ERBB4: variants seen among roughly 807,000 people sequenced by gnomAD.
ERBB4 encodes erb-b2 receptor tyrosine kinase 4, also known as receptor tyrosine-protein kinase erbB-4.
Under a neutral mutation model 158.0 loss-of-function variants are expected in ERBB4, and 42 were observed. The ratio of observed to expected loss-of-function variants is 0.27; its 90% CI spans 0.21 to 0.34. The LOEUF is 0.34. Among genes scored for constraint, ERBB4 ranks in the 10% least tolerant of loss-of-function variants. ERBB4 has a pLI of 1.00. For missense variants in ERBB4, 1,333 were observed against 1,624.1 expected, an observed-to-expected ratio of 0.82 and a Z score of 3.08; for synonymous variants, 583 against 558.7, an observed-to-expected ratio of 1.04 and a Z score of -0.61.
At chr2:211,489,247 A>G (rs2065279199) in intron 20 of ERBB4, among the ~76,000 whole-genome samples, 1 of 152,026 alleles carries the variant, frequency 6.6e-6, no homozygotes, top group Admixed American at 6.6e-5. Flanking sequence ...GATAATAAAA[A>G]TGTTTTCTAA....
chr2:211,687,402 A>G (rs2072606952), intron 12 of ERBB4, among the ~76,000 whole-genome samples: 1 of 152,128 alleles, frequency 6.6e-6, no homozygotes, highest in Non-Finnish European at 1.5e-5. Context: ...TGTGAACTCC[A>G]TACCCTGCCT....
intron 20 of ERBB4, among the ~76,000 whole-genome samples, chr2:211,490,313 T>C (rs67141123): frequency 0.33 from 49,829 of 151,632 alleles, 8,695 homozygotes; most frequent in African/African-American, 0.44. Flanking sequence ...TATTTCTTTC[T>C]TTATAGCATT....
intron 4 of ERBB4, among the ~76,000 whole-genome samples, chr2:211,760,943 C>T (rs567293751): frequency 2.0e-5 from 3 of 152,166 alleles, no homozygotes; most frequent in South Asian, 2.1e-4. Context: ...TGGTGTCTCA[C>T]GCCTATAAGC....
intron 20 of ERBB4, among the ~76,000 whole-genome samples, chr2:211,560,224 C>G (rs10932385): frequency 0.16 from 22,753 of 140,642 alleles, 1,930 homozygotes; most frequent in Middle Eastern, 0.28. Context: ...AGAGACACAG[C>G]AGAAAATACA....
chr2:212,141,882 C>A (rs573666862), intron 1 of ERBB4, among the ~76,000 whole-genome samples: 180 of 152,210 alleles, frequency 1.2e-3, no homozygotes, highest in African/African-American at 4.0e-3. Context: ...ATCTTTTAAC[C>A]TATAAATCAG....
At chr2:212,020,261 T>A (rs1381671120) in intron 2 of ERBB4, among the ~76,000 whole-genome samples, 1 of 152,062 alleles carries the variant, frequency 6.6e-6, no homozygotes, top group African/African-American at 2.4e-5. Context: ...CTACGCTTCA[T>A]CTTTTCTCTC....
At position 212,390,797 on chromosome 2, in the gene ERBB4, G is replaced by A. The variant is rs546041059; in HGVS notation, c.82+147652C>T. 9.4e-4 allele frequency among the ~76,000 whole-genome samples: 143 copies of A among 151,714 alleles called. 1 individual carries two copies. The highest frequency in any genetic ancestry group is 6.8e-3 in the Middle Eastern group (2 of 294). On this transcript the variant is annotated intron_variant, in intron 1 of 27. Coordinates refer to ENST00000342788, the MANE Select transcript of ERBB4 (RefSeq NM_005235.3). ...TTCTTCTTTAAGCTTAATACTTTCA[G>A]ACACAAGGAAGGTTAAAGTTCAAAA...
In ERBB4 at chr2:211,386,941, G is replaced by C; in HGVS notation, c.3393C>G (p.Asp1131Glu). 1 of 1,614,130 alleles carries C rather than the reference G, an allele frequency of 6.2e-7. No individual in the cohort carries two copies. The highest frequency in any genetic ancestry group is 8.5e-7 in the Non-Finnish European group (1 of 1,179,966). The stretch of plus-strand genomic sequence containing the variant: ...TCCGTTCTGGGGCAAACACGGTGGG[G>C]TCAGCACTGTACCTCTGGGTGCTAC... The part of the protein sequence containing the change: ...EDSSTQRYSA[D>E]PTVFAPERSP... The change falls in exon 27 of 28, where the codon GAC becomes GAG. Residue 1131 changes from aspartate (D) to glutamate (E), a missense_variant. Asp to Glu is a conservative substitution (Grantham distance 45, BLOSUM62 2). Around this residue, in one of 5 missense-constraint regions of ERBB4, gnomAD observed 252 missense variants for 241.3 expected, o/e 1.04. Coordinates refer to ENST00000342788, the MANE Select transcript of ERBB4 (RefSeq NM_005235.3).
At chr2:212,175,870 G>A (rs2081648652) in intron 1 of ERBB4, among the ~76,000 whole-genome samples, 1 of 151,816 alleles carries the variant, frequency 6.6e-6, no homozygotes. Flanking sequence ...TTGTCACAAT[G>A]CTGAACCCCA....
intron 16 of ERBB4, among the ~76,000 whole-genome samples, chr2:211,644,817 A>G (rs2070726132): frequency 6.6e-6 from 1 of 152,012 alleles, no homozygotes; most frequent in Admixed American, 6.6e-5. Flanking sequence ...TAAATTTGCT[A>G]AATGAAGTAT....
chr2:212,537,037 G>T (rs1408837745), intron 1 of ERBB4, among the ~76,000 whole-genome samples: 6 of 152,162 alleles, frequency 3.9e-5, no homozygotes, highest in African/African-American at 1.4e-4. Flanking sequence ...GTAATTGGGA[G>T]GGTGCAAACG....
intron 2 of ERBB4, among the ~76,000 whole-genome samples, chr2:211,999,114 G>A (rs974700961): frequency 2.0e-5 from 3 of 151,422 alleles, no homozygotes; most frequent in African/African-American, 7.3e-5. Flanking sequence ...TTTAATAACT[G>A]ATAGTTTACA....
At chr2:212,162,074 C>A (rs1575727480) in intron 1 of ERBB4, among the ~76,000 whole-genome samples, 1 of 151,802 alleles carries the variant, frequency 6.6e-6, no homozygotes, top group African/African-American at 2.4e-5. Context: ...TATAACCCAG[C>A]AATTCTACTT....
At chr2:212,254,008 C>T (rs2084634408) in intron 1 of ERBB4, among the ~76,000 whole-genome samples, 1 of 151,784 alleles carries the variant, frequency 6.6e-6, no homozygotes, top group Non-Finnish European at 1.5e-5. Context: ...AGAAAAGGCA[C>T]AGTAAAAATT....
intron 1 of ERBB4, among the ~76,000 whole-genome samples, chr2:212,248,382 G>GT (rs1363491077): frequency 3.9e-5 from 6 of 152,138 alleles, no homozygotes; most frequent in African/African-American, 1.4e-4. Flanking sequence ...CTGACAACAG[G>GT]TAAGTGTTCT....
intron 25 of ERBB4, among the ~76,000 whole-genome samples, chr2:211,399,107 G>A (rs537545323): frequency 2.6e-5 from 4 of 152,086 alleles, no homozygotes; most frequent in Non-Finnish European, 5.9e-5. Context: ...GTGATCTTAT[G>A]AAAAATTGTC....
rs572634261 is a variant in ERBB4, at chr2:212,099,303, ACTT to A, written c.234+25446_234+25448del. On this transcript the variant is annotated intron_variant, in intron 2 of 27. Coordinates refer to ENST00000342788, the MANE Select transcript of ERBB4 (RefSeq NM_005235.3). ...GCTTCAAAAAATTCTTATTCCTGAAACTTCTTCTTGAGATATGAGATACCTTAT... is the reference window on the plus strand; with the variant it reads ...GCTTCAAAAAATTCTTATTCCTGAAACTTCTTGAGATATGAGATACCTTAT... 7.1e-3 allele frequency among the ~76,000 whole-genome samples: 1,085 copies of A among 152,124 alleles called. 6 individuals carry two copies. The highest frequency in any genetic ancestry group is 0.027 in the Middle Eastern group (8 of 292).
intron 12 of ERBB4, among the ~76,000 whole-genome samples, chr2:211,694,212 G>A (rs2106006292): frequency 6.6e-6 from 1 of 152,248 alleles, no homozygotes; most frequent in East Asian, 1.9e-4. Context: ...TCACAACACT[G>A]TCTAAATAAG....
chr2:211,619,436 ATC>A (rs1318343894), intron 18 of ERBB4, among the ~76,000 whole-genome samples, 161 bp from the exon 19 acceptor site: 1 of 152,142 alleles, frequency 6.6e-6, no homozygotes, highest in African/African-American at 2.4e-5. Flanking sequence ...TGCTTTCATT[ATC>A]TGAGGATGTT....
Sources: allele counts gnomAD v4.1 joint callset (sites outside exome capture counted in the v4.1 genomes callset), GRCh38; gene constraint gnomAD v4.1.1; regional missense constraint gnomAD v4.1.1; transcripts MANE v1.5; gene names NCBI Gene and HGNC (gene_info 2026-07-23, HGNC 2026-07-21).